Variants in USH2A observed in about 807,000 individuals in gnomAD.
The protein encoded by USH2A is usherin.
Under a neutral mutation model 538.9 loss-of-function variants are expected in USH2A, and 443 were observed. The observed-to-expected ratio is 0.82, with a 90% CI of 0.76 to 0.89. USH2A has a LOEUF of 0.89. Among genes scored for constraint, USH2A ranks in the 40% least tolerant of loss-of-function variants. The probability of loss-of-function intolerance (pLI) is 0.00; values close to 1 mark genes in which losing one functional copy is unlikely to be tolerated. For missense variants in USH2A, 6,633 were observed against 6,324.8 expected, an observed-to-expected ratio of 1.05 and a Z score of -1.65; for synonymous variants, 2,413 against 2,273.5, an observed-to-expected ratio of 1.06 and a Z score of -1.75.
At chr1:216,293,413 T>A (rs188324596) in intron 9 of USH2A, among the ~76,000 whole-genome samples, 42 of 152,340 alleles carry the variant, frequency 2.8e-4, no homozygotes, top group African/African-American at 1.0e-3. Context: ...TTTAGTGTTG[T>A]GAAGTACCTG....
chr1:216,217,266 T>C (rs975334056), intron 15 of USH2A, 121 bp downstream of exon 15: 4 of 1,273,616 alleles, frequency 3.1e-6, no homozygotes, highest in Non-Finnish European at 3.3e-6. Flanking sequence ...ATCTCTTACC[T>C]ACGTTCTTCA....
intron 22 of USH2A, among the ~76,000 whole-genome samples, chr1:216,090,885 C>A (rs995774685): frequency 6.6e-6 from 1 of 152,142 alleles, no homozygotes; most frequent in Non-Finnish European, 1.5e-5. Flanking sequence ...GCTGTCTCAT[C>A]AAAGTGTACT....
At chr1:216,028,162 C>T (rs61002076) in intron 32 of USH2A, among the ~76,000 whole-genome samples, 4,417 of 151,992 alleles carry the variant, frequency 0.029, 206 homozygotes, top group African/African-American at 0.1. Context: ...CCAAGGTGGG[C>T]GGAATACTTG....
intron 32 of USH2A, among the ~76,000 whole-genome samples, chr1:216,043,586 A>G (rs1366130269): frequency 2.0e-5 from 3 of 152,110 alleles, no homozygotes; most frequent in African/African-American, 7.2e-5. Flanking sequence ...ATAATACACT[A>G]TGGTGCCATT....
At chr1:216,185,063 T>C (rs1168556518) in intron 20 of USH2A, among the ~76,000 whole-genome samples, 2 of 151,848 alleles carry the variant, frequency 1.3e-5, no homozygotes, top group Non-Finnish European at 2.9e-5. Context: ...ATTTCTCGGA[T>C]TAAAAGGAGA....
In USH2A at chr1:215,813,648, G is replaced by A. The variant is rs73090717; in HGVS notation, c.9739+88C>T. 3.2e-3 allele frequency: 4,861 copies of A among 1,528,666 alleles called. 132 individuals are homozygous for A. The African/African-American group carries it at 0.058, about 18-fold the overall frequency. The allele number at this position is 1,528,666 out of a possible 1,614,324, so 94.7% of individuals were successfully genotyped here. ...ATGGTTCAATTTTTGTTGAGAGGGA[G>A]GTGTTTGAAATAGTTCACTGACATG... On this transcript the variant is annotated intron_variant, in intron 49 of 71. Transcript: ENST00000307340.
At chr1:216,088,919 T>C in intron 23 of USH2A, 94 bp downstream of exon 23, 10 of 1,560,878 alleles carry the variant, frequency 6.4e-6, no homozygotes, top group South Asian at 1.1e-5. Flanking sequence ...GTAGAAATTA[T>C]GGTGAAATAA....
At chr1:215,820,547 A>G (rs562616627) in intron 47 of USH2A, among the ~76,000 whole-genome samples, 4 of 151,832 alleles carry the variant, frequency 2.6e-5, no homozygotes, top group Non-Finnish European at 5.9e-5. Flanking sequence ...TGTAACTGGC[A>G]TATCCATCAC....
intron 16 of USH2A, chr1:216,204,292 T>C (rs1035424106): frequency 6.6e-6 from 1 of 152,230 alleles, no homozygotes; most frequent in African/African-American, 2.4e-5. Context: ...ACAATAGAGA[T>C]ACTGTTAGGG....
At chr1:216,204,541 T>G (rs1459881291) in intron 16 of USH2A, among the ~76,000 whole-genome samples, 1 of 152,146 alleles carries the variant, frequency 6.6e-6, no homozygotes, top group East Asian at 1.9e-4. Flanking sequence ...TAGAAAAAGT[T>G]TCCATTCTAA....
intron 30 of USH2A, among the ~76,000 whole-genome samples, chr1:216,055,204 A>C (rs1255497231): frequency 1.3e-5 from 2 of 152,128 alleles, no homozygotes; most frequent in Non-Finnish European, 2.9e-5. Flanking sequence ...CCCCCATCTC[A>C]AGAGAACTCA....
At chr1:216,223,452 C>T (rs752806430) in intron 14 of USH2A, among the ~76,000 whole-genome samples, 2 of 152,130 alleles carry the variant, frequency 1.3e-5, no homozygotes, top group Admixed American at 6.6e-5. Context: ...ATAATTAGTT[C>T]TACTCATCAA....
chr1:215,719,383 A>AAAAAAAAAAAAT (rs397953947), intron 61 of USH2A, among the ~76,000 whole-genome samples: 2 of 148,134 alleles, frequency 1.4e-5, no homozygotes. Flanking sequence ...AAAAAAAAAA[A>AAAAAAAAAAAAT]GCATGTTCTT....
chr1:216,362,678 C>T (rs142181294), intron 4 of USH2A, among the ~76,000 whole-genome samples: 1,776 of 152,004 alleles, frequency 0.012, 19 homozygotes, highest in Middle Eastern at 0.062. Flanking sequence ...TGCGGTGGCT[C>T]ACGCCTGTAA....
intron 37 of USH2A, among the ~76,000 whole-genome samples, chr1:215,957,467 A>G (rs1170670616): frequency 6.6e-6 from 1 of 152,222 alleles, no homozygotes; most frequent in Non-Finnish European, 1.5e-5. Flanking sequence ...GTATTTGTGT[A>G]TGAAACACTA....
At chr1:216,198,694 A>C in intron 17 of USH2A, 110 bp from the exon 18 acceptor site, 1 of 995,192 alleles carries the variant, frequency 1.0e-6, no homozygotes, top group Non-Finnish European at 1.5e-6. Flanking sequence ...TTGTCTTTCT[A>C]ATTAGATTAC....
intron 60 of USH2A, among the ~76,000 whole-genome samples, chr1:215,730,717 GAGCAATGACA>G (rs1659971425): frequency 2.0e-5 from 3 of 152,186 alleles, no homozygotes; most frequent in Admixed American, 2.0e-4. Context: ...ACCTAAGTAT[GAGCAATGACA>G]AGCTTCATGC....
chr1:215,832,026 T>C (rs12092518), intron 47 of USH2A, among the ~76,000 whole-genome samples: 2,176 of 152,078 alleles, frequency 0.014, 58 homozygotes, highest in African/African-American at 0.05. Flanking sequence ...AACTTCCTGC[T>C]AATAAATTTG....
chr1:216,115,002 G>T (rs982116452), intron 21 of USH2A, among the ~76,000 whole-genome samples: 5 of 151,896 alleles, frequency 3.3e-5, no homozygotes, highest in African/African-American at 1.2e-4. Flanking sequence ...ATCTGTATCC[G>T]TATGTATAGA....
Sources: allele counts gnomAD v4.1 joint callset (sites outside exome capture counted in the v4.1 genomes callset), GRCh38; gene constraint gnomAD v4.1.1; transcripts MANE v1.5; gene names NCBI Gene and HGNC (gene_info 2026-07-23, HGNC 2026-07-21).